The following ESF1 variants were observed in gnomAD, a reference collection of about 807,000 sequenced individuals.
ESF1 encodes the protein ESF1 nucleolar pre-rRNA processing protein, also known as ESF1 homolog.
In ESF1, 58 loss-of-function variants were observed where a neutral mutation model predicts 92.0. That is an observed-to-expected ratio of 0.63 (90% CI 0.51 to 0.78). ESF1 has a LOEUF of 0.78. ESF1 is among the 30% of genes least tolerant of loss of function. The probability of loss-of-function intolerance (pLI) is 0.00; values close to 1 mark genes in which losing one functional copy is unlikely to be tolerated. For missense variants in ESF1, 922 were observed against 989.1 expected, an observed-to-expected ratio of 0.93 and a Z score of 0.91; for synonymous variants, 321 against 313.7, an observed-to-expected ratio of 1.02 and a Z score of -0.24.
At chr20:13,738,845 A>C (rs980292716) in intron 9 of ESF1, among the ~76,000 whole-genome samples, 2 of 152,216 alleles carry the variant, frequency 1.3e-5, no homozygotes, top group African/African-American at 4.8e-5. Context: ...CTGCTGAATA[A>C]AGAAGCAAAT....
intron 9 of ESF1, among the ~76,000 whole-genome samples, chr20:13,756,624 C>G (rs117786155): frequency 0.013 from 1,910 of 152,308 alleles, 11 homozygotes; most frequent in Non-Finnish European, 0.018. Context: ...ATCCCAGATA[C>G]TTGGCATCTG....
At chr20:13,775,099 ATCAGATTTAACTT>A in intron 4 of ESF1, 45 bp downstream of exon 4, 1 of 1,158,756 alleles carries the variant, frequency 8.6e-7, no homozygotes, top group Non-Finnish European at 1.2e-6. Context: ...AAAAAAAAAA[ATCAGATTTAACTT>A]AAAATGCCTA....
Position 13,733,772 on chromosome 20 carries a change from T to C in ESF1, c.1899A>G (p.Glu633=). Residue 633 remains glutamate, a synonymous_variant, in exon 10 of 14, where the codon GAA becomes GAG. Coordinates refer to ENST00000617257, the MANE Select transcript of ESF1 (RefSeq NM_001276380.2). ...TCTCTTTCTTCTTCTCTAAAAATTG[T>C]TCCCAAGGGGTCAGTTTATCCTTTC... ...LEGKDKLTPW[E]QFLEKKKEKK... is the part of the protein sequence containing the mutation. 6.2e-7 allele frequency: 1 copy of C among 1,613,300 alleles called. No homozygotes were observed. The highest frequency in any genetic ancestry group is 8.5e-7 in the Non-Finnish European group (1 of 1,179,884).
intron 9 of ESF1, among the ~76,000 whole-genome samples, chr20:13,739,532 T>C (rs1453253146): frequency 6.6e-6 from 1 of 152,218 alleles, no homozygotes; most frequent in South Asian, 2.1e-4. Flanking sequence ...CTAGTACTGA[T>C]AAACTAAAAT....
chr20:13,731,771 C>T (rs1475378105), intron 10 of ESF1, among the ~76,000 whole-genome samples: 1 of 152,156 alleles, frequency 6.6e-6, no homozygotes, highest in Non-Finnish European at 1.5e-5. Context: ...TCTAATTGTG[C>T]ATCTTAAGAC....
At chr20:13,749,439 G>A (rs751967493) in intron 9 of ESF1, among the ~76,000 whole-genome samples, 5 of 151,922 alleles carry the variant, frequency 3.3e-5, no homozygotes, top group Admixed American at 2.0e-4. Flanking sequence ...AAATACCAAC[G>A]GGAACTCAGT....
chr20:13,736,825 C>T (rs1396000531), intron 9 of ESF1, among the ~76,000 whole-genome samples: 1 of 152,134 alleles, frequency 6.6e-6, no homozygotes, highest in African/African-American at 2.4e-5. Flanking sequence ...AATAAAGAAA[C>T]AGTATCTTCA....
At chr20:13,730,316 C>T (rs900051799) in intron 10 of ESF1, among the ~76,000 whole-genome samples, 1 of 151,670 alleles carries the variant, frequency 6.6e-6, no homozygotes, top group Non-Finnish European at 1.5e-5. Flanking sequence ...TTAGGTGATC[C>T]GCCTGCCTCA....
At chr20:13,763,266 G>C (rs1979286784) in intron 8 of ESF1, among the ~76,000 whole-genome samples, 1 of 152,194 alleles carries the variant, frequency 6.6e-6, no homozygotes, top group South Asian at 2.1e-4. Flanking sequence ...CACAGCTATG[G>C]AAGAAAGATA....
At chr20:13,759,102 G>C (rs753904644) in intron 9 of ESF1, among the ~76,000 whole-genome samples, 1 of 152,086 alleles carries the variant, frequency 6.6e-6, no homozygotes, top group African/African-American at 2.4e-5. Context: ...ACTATACTGG[G>C]TAACAAACTG....
At chr20:13,734,761 C>T (rs1164928235) in intron 9 of ESF1, among the ~76,000 whole-genome samples, 1 of 78,676 alleles carries the variant, frequency 1.3e-5, no homozygotes, top group Non-Finnish European at 2.5e-5. Flanking sequence ...TTAGATGACA[C>T]AAAATTCATT....
At chr20:13,775,771 T>C (rs966162663) in intron 3 of ESF1, 102 bp downstream of exon 3, 2 of 1,344,426 alleles carry the variant, frequency 1.5e-6, no homozygotes, top group African/African-American at 1.5e-5. Flanking sequence ...AAGAATACTA[T>C]TACCAATAAG....
At chr20:13,757,396 TTTTGTTTGTTTG>T (rs751908922) in intron 9 of ESF1, among the ~76,000 whole-genome samples, 15 of 151,978 alleles carry the variant, frequency 9.9e-5, no homozygotes, top group African/African-American at 3.6e-4. Context: ...CATTACTATG[TTTTGTTTGTTTG>T]TTTGTTTGAG....
intron 9 of ESF1, 47 bp from the exon 10 acceptor site, chr20:13,733,889 G>A (rs1256671855): frequency 1.9e-6 from 3 of 1,548,902 alleles, no homozygotes; most frequent in African/African-American, 1.4e-5. Flanking sequence ...TTATTGTCTG[G>A]CAATCACTTA....
At chr20:13,748,431 T>A in intron 9 of ESF1, among the ~76,000 whole-genome samples, 1 of 143,762 alleles carries the variant, frequency 7.0e-6, no homozygotes, top group South Asian at 2.1e-4. Context: ...CATATACACA[T>A]ATATATACAC....
At chr20:13,784,309 G>A (rs1219373402) in intron 1 of ESF1, among the ~76,000 whole-genome samples, 1 of 148,752 alleles carries the variant, frequency 6.7e-6, no homozygotes, top group Non-Finnish European at 1.5e-5. Context: ...GATTAAAAGG[G>A]CAATATTTCT....
Position 13,746,537 on chromosome 20 carries a change from C to T in ESF1, c.1829-12695G>A, listed in dbSNP as rs565689521. ...CTGTAATCACAATAAACTGTTAATG[C>T]TATCCCAAATTTCATTATAAGCAGG... On this transcript the variant is annotated intron_variant, in intron 9 of 13. Transcript: ENST00000617257. Among the ~76,000 whole-genome samples the T allele has an allele frequency of 7.2e-5, 11 of 152,206 alleles. No homozygotes were observed. The South Asian group carries it at 2.3e-3, about 32-fold the overall frequency.
At chr20:13,729,404 CATAA>C (rs1056288971) in intron 10 of ESF1, among the ~76,000 whole-genome samples, 9 of 152,278 alleles carry the variant, frequency 5.9e-5, no homozygotes, top group South Asian at 2.1e-4. Flanking sequence ...CACATAAACA[CATAA>C]ATAGACAAAT....
At chr20:13,717,994 C>T (rs1449358872) in intron 12 of ESF1, among the ~76,000 whole-genome samples, 1 of 146,662 alleles carries the variant, frequency 6.8e-6, no homozygotes, top group Non-Finnish European at 1.5e-5. Context: ...AATACTGATA[C>T]ATTTCTATGA....
Sources: allele counts gnomAD v4.1 joint callset (sites outside exome capture counted in the v4.1 genomes callset), GRCh38; gene constraint gnomAD v4.1.1; transcripts MANE v1.5; gene names NCBI Gene and HGNC (gene_info 2026-07-23, HGNC 2026-07-21).